EP300: variants seen among roughly 807,000 people sequenced by gnomAD.
EP300 encodes histone acetyltransferase p300.
A neutral mutation model predicts 264.0 loss-of-function variants in EP300; 31 were observed. That is an observed-to-expected ratio of 0.12 (90% CI 0.09 to 0.16). The LOEUF is 0.16. EP300 is among the 10% of genes least tolerant of loss of function. EP300 has a pLI of 1.00. For synonymous variants in EP300, 1,340 were observed against 1,045.4 expected (o/e 1.28, Z -5.44); for missense variants, 2,766 against 3,052.9 (o/e 0.91, Z 2.21).
intron 1 of EP300, among the ~76,000 whole-genome samples, chr22:41,094,995 A>G (rs1371944824): frequency 6.6e-6 from 1 of 152,148 alleles, no homozygotes; most frequent in Non-Finnish European, 1.5e-5. Flanking sequence ...TTTAAAAAAA[A>G]ACTCAACATT....
rs535167898 is a variant in EP300, at chr22:41,115,769, T to G, written c.95-1418T>G. Among the ~76,000 whole-genome samples, 7 of 152,328 alleles carry G rather than the reference T, an allele frequency of 4.6e-5. No homozygotes were observed. In the South Asian group the frequency reaches 8.3e-4, roughly 18 times the overall value. On this transcript the variant is annotated intron_variant, in intron 1 of 30. Coordinates refer to ENST00000263253, the MANE Select transcript of EP300 (RefSeq NM_001429.4). ...TGGTGAAGGAGCCAGAGGCATGGTG[T>G]TGTACCCTATTCTGGCTAGACTTTG...
intron 2 of EP300, among the ~76,000 whole-genome samples, chr22:41,118,566 C>A (rs1483573253): frequency 2.0e-5 from 3 of 152,126 alleles, no homozygotes; most frequent in African/African-American, 7.2e-5. Context: ...GGCTTCACTT[C>A]GAAGATGAAA....
At position 41,168,525 on chromosome 22, in the gene EP300, G is replaced by C. The variant is rs1407281166; in HGVS notation, c.3951G>C (p.Glu1317Asp). The C allele has an allele frequency of 6.2e-7, 1 of 1,614,200 alleles. No homozygotes were observed. The highest frequency in any genetic ancestry group is 1.7e-5 in the Admixed American group (1 of 60,026). Residue 1317 changes from glutamate (E) to aspartate (D), a missense_variant, in exon 24 of 31, where the codon GAG (glutamate) becomes GAC (aspartate). By Grantham distance (45) the Glu-to-Asp change is conservative. Transcript: ENST00000263253. ...TTCTGAGGCGACAGAATCACCCTGA[G>C]TCAGGAGAGGTCACTGTTAGAGTAG... Reference protein sequence around the residue: ...NDFLRRQNHPESGEVTVRVVH... With the variant: ...NDFLRRQNHPDSGEVTVRVVH...
intron 1 of EP300, among the ~76,000 whole-genome samples, chr22:41,093,854 G>A (rs1005394493): frequency 1.3e-5 from 2 of 152,126 alleles, no homozygotes; most frequent in African/African-American, 4.8e-5. Context: ...ACAATTTTGT[G>A]GAGTTACGTA....
At chr22:41,098,625 C>G (rs771646553) in intron 1 of EP300, among the ~76,000 whole-genome samples, 32 of 152,160 alleles carry the variant, frequency 2.1e-4, no homozygotes, top group Non-Finnish European at 3.5e-4. Context: ...CCCACCTCAG[C>G]CTCCCAAAGT....
chr22:41,141,900 C>T (rs1321498140), intron 10 of EP300, among the ~76,000 whole-genome samples: 3 of 152,116 alleles, frequency 2.0e-5, no homozygotes, highest in Non-Finnish European at 2.9e-5. Context: ...TGATCTCAAA[C>T]TCCTGGCCTC....
At chr22:41,121,940 A>T (rs1163563724) in intron 2 of EP300, among the ~76,000 whole-genome samples, 1 of 152,106 alleles carries the variant, frequency 6.6e-6, no homozygotes, top group East Asian at 1.9e-4. Flanking sequence ...CAGGTTAAAC[A>T]ACTCCCCCAT....
chr22:41,158,423 T>C lies in EP300; in HGVS notation c.3513T>C (p.Ser1171=). 3 of 1,614,126 alleles carry C rather than the reference T, an allele frequency of 1.9e-6. No individual in the cohort carries two copies. Among genetic ancestry groups the C allele is most frequent in the Non-Finnish European group, 2.5e-6 (3 of 1,179,988 alleles). The change falls in exon 19 of 31, where the codon TCT becomes TCC. Residue 1171 remains serine (S), a synonymous_variant. Coordinates refer to ENST00000263253, the MANE Select transcript of EP300 (RefSeq NM_001429.4). The part of the protein sequence containing the change: ...GYCCGRKLEF[S]PQTLCCYGKQ... ...GGTTTCTTTTGCAGTTGGAGTTCTC[T>C]CCACAGACACTGTGTTGCTACGGCA...
At chr22:41,157,120 G>T (rs553502196) in intron 17 of EP300, 49 bp from the exon 18 acceptor site, 1 of 1,611,646 alleles carries the variant, frequency 6.2e-7, no homozygotes, top group Admixed American at 1.7e-5. Flanking sequence ...TCCATCTCCC[G>T]TAAAAATAGT....
intron 11 of EP300, 61 bp downstream of exon 11, chr22:41,146,877 C>A: frequency 7.0e-7 from 1 of 1,424,046 alleles, no homozygotes; most frequent in Non-Finnish European, 9.7e-7. Flanking sequence ...CAAGATAATA[C>A]TTGCTACCTG....
At chr22:41,174,698 T>G (rs1292479535) in intron 29 of EP300, 1 of 152,132 alleles carries the variant, frequency 6.6e-6, no homozygotes, top group Non-Finnish European at 1.5e-5. Context: ...GTCAGACTCC[T>G]CATTTTACTA....
intron 4 of EP300, among the ~76,000 whole-genome samples, chr22:41,128,393 AG>A (rs745426794): frequency 2.2e-4 from 33 of 152,072 alleles, no homozygotes; most frequent in Non-Finnish European, 2.9e-4. Flanking sequence ...CCAAGAGGGC[AG>A]GGGTTGGTGT....
At chr22:41,166,431 TTTTA>T (rs2059134894) in intron 22 of EP300, among the ~76,000 whole-genome samples, 164 bp from the exon 23 acceptor site, 1 of 152,240 alleles carries the variant, frequency 6.6e-6, no homozygotes, top group South Asian at 2.1e-4. Flanking sequence ...CAATTATCTT[TTTTA>T]TTCTTACTGA....
intron 4 of EP300, 130 bp from the exon 5 acceptor site, chr22:41,129,760 C>T (rs2058906044): frequency 1.4e-6 from 1 of 715,950 alleles, no homozygotes; most frequent in African/African-American, 1.8e-5. Flanking sequence ...TAGGAGCTAC[C>T]TTATAGGGCT....
chr22:41,132,630 G>A (rs2058927072), intron 6 of EP300, among the ~76,000 whole-genome samples: 1 of 152,114 alleles, frequency 6.6e-6, no homozygotes, highest in Admixed American at 6.6e-5. Context: ...CAATTATTCT[G>A]CTGCTTTAAA....
At chr22:41,127,047 A>G (rs1282617619) in intron 3 of EP300, among the ~76,000 whole-genome samples, 1 of 152,004 alleles carries the variant, frequency 6.6e-6, no homozygotes, top group Non-Finnish European at 1.5e-5. Context: ...CCCGGCCTGA[A>G]ATCTTCACTT....
rs975217904 is a variant in EP300, at chr22:41,179,463, T to G, written c.*507T>G. On this transcript the variant is annotated 3_prime_UTR_variant, in exon 31 of 31. Coordinates refer to ENST00000263253, the MANE Select transcript of EP300 (RefSeq NM_001429.4). Reference sequence around the variant, plus strand: ...TACATTCTATATATATATAAATATATATAAATATATATTAAAATACCAGTT... The same window carrying G: ...TACATTCTATATATATATAAATATAGATAAATATATATTAAAATACCAGTT... 2.5e-5 allele frequency: 4 copies of G among 161,282 alleles called. No individual in the cohort carries two copies. Among genetic ancestry groups the G allele is most frequent in the Admixed American group, 2.0e-4 (3 of 14,888 alleles). 10.0% of individuals were successfully genotyped at this position (161,282 alleles called of 1,614,324 possible). A position where few individuals can be genotyped will look rare whatever the true frequency, so the allele number is the denominator to read the frequency against.
At chr22:41,158,289 C>T (rs1054156433) in intron 18 of EP300, 123 bp from the exon 19 acceptor site, 4 of 748,920 alleles carry the variant, frequency 5.3e-6, no homozygotes, top group Non-Finnish European at 9.5e-6. Flanking sequence ...CTGAATTAGC[C>T]CATCATTATT....
chr22:41,101,294 C>T (rs1342900815), intron 1 of EP300, among the ~76,000 whole-genome samples: 1 of 151,938 alleles, frequency 6.6e-6, no homozygotes, highest in Admixed American at 6.6e-5. Context: ...AGGCTGGTCT[C>T]GAACTCCTGA....
Sources: allele counts gnomAD v4.1 joint callset (sites outside exome capture counted in the v4.1 genomes callset), GRCh38; gene constraint gnomAD v4.1.1; transcripts MANE v1.5; gene names NCBI Gene and HGNC (gene_info 2026-07-23, HGNC 2026-07-21).